The following ALK variants were observed in gnomAD, a reference collection of about 807,000 sequenced individuals.
The protein encoded by ALK is ALK tyrosine kinase receptor.
ALK carries 74 observed loss-of-function variants against 163.1 expected under a neutral mutation model. That is an observed-to-expected ratio of 0.45 (90% CI 0.38 to 0.55). The LOEUF (loss-of-function observed/expected upper bound fraction) is 0.55. ALK is among the 20% of genes least tolerant of loss of function. The probability of loss-of-function intolerance (pLI) is 0.00; values close to 1 mark genes in which losing one functional copy is unlikely to be tolerated. For missense variants in ALK, 2,063 were observed against 2,105.3 expected, an observed-to-expected ratio of 0.98 and a Z score of 0.39; for synonymous variants, 960 against 843.2, an observed-to-expected ratio of 1.14 and a Z score of -2.40.
intron 1 of ALK, among the ~76,000 whole-genome samples, chr2:29,755,271 C>T (rs568373871): frequency 8.5e-5 from 13 of 152,302 alleles, no homozygotes; most frequent in Admixed American, 2.0e-4. Context: ...GAGTCCCTGC[C>T]GGTGAATGGC....
intron 26 of ALK, 67 bp from the exon 27 acceptor site, chr2:29,197,743 AGG>A: frequency 1.2e-5 from 15 of 1,278,386 alleles, no homozygotes; most frequent in Non-Finnish European, 1.6e-5. Flanking sequence ...ACACACACAC[AGG>A]CACACAGACA....
intron 3 of ALK, among the ~76,000 whole-genome samples, chr2:29,535,766 C>G (rs1353906518): frequency 6.6e-6 from 1 of 152,074 alleles, no homozygotes; most frequent in Non-Finnish European, 1.5e-5. Flanking sequence ...TCTTACAGCC[C>G]CAAACTGTCA....
chr2:29,235,176 G>A (rs1446375569), intron 13 of ALK, among the ~76,000 whole-genome samples: 3 of 152,184 alleles, frequency 2.0e-5, no homozygotes, highest in Non-Finnish European at 2.9e-5. Context: ...CCTGCTTGTC[G>A]GCCACCACAG....
chr2:29,845,471 G>A (rs1665818886), intron 1 of ALK, among the ~76,000 whole-genome samples: 1 of 151,768 alleles, frequency 6.6e-6, no homozygotes, highest in African/African-American at 2.4e-5. Flanking sequence ...TTTTGCTCGT[G>A]TCACCCATGC....
rs72857538 is a variant in ALK at position 29,920,932 on chromosome 2, C to G, written c.-273G>C. ...TGGCTGGGACCTTGAGCCTCCCGCT[C>G]TCCGCGCCGAGTGCCGCGCCCCCGT... On this transcript the variant is annotated 5_prime_UTR_variant, in exon 1 of 29. Coordinates refer to ENST00000389048, the MANE Select transcript of ALK (RefSeq NM_004304.5). 4.2e-3 allele frequency: 2,172 copies of G among 511,782 alleles called. 28 individuals are homozygous for G. The highest frequency in any genetic ancestry group is 0.038 in the African/African-American group (1,964 of 52,026). The allele number at this position is 511,782 out of a possible 1,614,324, so 31.7% of individuals were successfully genotyped here.
chr2:29,508,663 T>C (rs1341969943), intron 4 of ALK, among the ~76,000 whole-genome samples: 2 of 145,336 alleles, frequency 1.4e-5, no homozygotes, highest in East Asian at 2.0e-4. Context: ...AACCTGCATG[T>C]TGTGCACATG....
At chr2:29,594,903 G>T (rs1375012736) in intron 3 of ALK, among the ~76,000 whole-genome samples, 2 of 101,572 alleles carry the variant, frequency 2.0e-5, no homozygotes, top group South Asian at 4.2e-4. Flanking sequence ...ATGGGGGGTG[G>T]GGGGCGGGGG....
intron 4 of ALK, among the ~76,000 whole-genome samples, chr2:29,409,219 C>T (rs898153416): frequency 6.6e-6 from 1 of 152,160 alleles, no homozygotes; most frequent in Non-Finnish European, 1.5e-5. Flanking sequence ...TCAATATATG[C>T]TTCACTATTA....
chr2:29,608,351 C>G (rs1290331842), intron 3 of ALK, among the ~76,000 whole-genome samples: 1 of 152,214 alleles, frequency 6.6e-6, no homozygotes, highest in Non-Finnish European at 1.5e-5. Context: ...GCCTACAGTC[C>G]TGCAAGACAC....
intron 1 of ALK, among the ~76,000 whole-genome samples, chr2:29,768,554 G>C (rs991648224): frequency 1.2e-4 from 19 of 152,012 alleles, no homozygotes; most frequent in Admixed American, 9.8e-4. Context: ...CATTATATTG[G>C]TATATAAAGT....
chr2:29,235,641 G>C (rs1664353912), intron 13 of ALK, among the ~76,000 whole-genome samples: 1 of 152,042 alleles, frequency 6.6e-6, no homozygotes, highest in African/African-American at 2.4e-5. Context: ...CCTGGGGATG[G>C]GTCTGAGGGA....
At chr2:29,804,798 T>C (rs1664567409) in intron 1 of ALK, among the ~76,000 whole-genome samples, 1 of 152,216 alleles carries the variant, frequency 6.6e-6, no homozygotes, top group East Asian at 1.9e-4. Flanking sequence ...TGAGTAACCC[T>C]AGTTCTCGGA....
At chr2:29,691,990 T>G (rs1307920040) in intron 3 of ALK, among the ~76,000 whole-genome samples, 1 of 152,100 alleles carries the variant, frequency 6.6e-6, no homozygotes, top group East Asian at 1.9e-4. Flanking sequence ...CCAAAAAAAA[T>G]GTTTCTAGAG....
intron 8 of ALK, among the ~76,000 whole-genome samples, chr2:29,313,206 G>C (rs183956443): frequency 6.6e-6 from 1 of 152,172 alleles, no homozygotes; most frequent in Non-Finnish European, 1.5e-5. Context: ...ATGGTCATCC[G>C]TTCTATGCAG....
chr2:29,563,920 C>A (rs1674097954), intron 3 of ALK, among the ~76,000 whole-genome samples: 1 of 152,226 alleles, frequency 6.6e-6, no homozygotes, highest in South Asian at 2.1e-4. Flanking sequence ...TTTTAGACTC[C>A]TGCTGATGCC....
At chr2:29,635,198 A>G (rs1676484931) in intron 3 of ALK, among the ~76,000 whole-genome samples, 6 of 152,226 alleles carry the variant, frequency 3.9e-5, no homozygotes, top group Admixed American at 3.9e-4. Context: ...TAAAGTTGTC[A>G]ATTTCCCCAA....
At chr2:29,663,091 A>C (rs1184324516) in intron 3 of ALK, among the ~76,000 whole-genome samples, 1 of 152,302 alleles carries the variant, frequency 6.6e-6, no homozygotes, top group East Asian at 1.9e-4. Flanking sequence ...CGGTCTTCCC[A>C]TAAGCCTATA....
At chr2:29,845,122 A>T (rs182058285) in intron 1 of ALK, among the ~76,000 whole-genome samples, 8 of 152,308 alleles carry the variant, frequency 5.3e-5, no homozygotes, top group Non-Finnish European at 1.2e-4. Context: ...AAATGAAAAT[A>T]AAGCAAGTGG....
chr2:29,405,531 G>A (rs1669561911), intron 4 of ALK, among the ~76,000 whole-genome samples: 1 of 152,172 alleles, frequency 6.6e-6, no homozygotes, highest in Admixed American at 6.5e-5. Context: ...AGTTCCTACG[G>A]CACCATCAAA....
Sources: gnomAD v4.1 joint callset for allele counts (sites outside exome capture counted in the v4.1 genomes callset) on GRCh38, gnomAD v4.1.1 for gene constraint, MANE v1.5 for transcripts, NCBI Gene and HGNC (gene_info 2026-07-23, HGNC 2026-07-21) for gene names.